GABRG3: variants seen among roughly 807,000 people sequenced by gnomAD.
GABRG3 encodes gamma-aminobutyric acid receptor subunit gamma-3.
GABRG3 carries 25 observed loss-of-function variants against 48.8 expected under a neutral mutation model. The observed-to-expected ratio is 0.51, with a 90% CI of 0.37 to 0.72. The LOEUF (loss-of-function observed/expected upper bound fraction) is 0.72, where lower values mean the gene tolerates loss of function less well. Among genes scored for constraint, GABRG3 ranks in the 30% least tolerant of loss-of-function variants. The pLI is 0.00. For synonymous variants in GABRG3, 227 were observed against 217.6 expected (o/e 1.04, Z -0.38); for missense variants, 394 against 577.9 (o/e 0.68, Z 3.26).
chr15:27,308,596 A>G (rs1566774700), intron 3 of GABRG3, among the ~76,000 whole-genome samples: 1 of 145,616 alleles, frequency 6.9e-6, no homozygotes, highest in Non-Finnish European at 1.5e-5. Flanking sequence ...ATTTATATAT[A>G]AACATAATGT....
intron 3 of GABRG3, among the ~76,000 whole-genome samples, chr15:27,260,399 G>T (rs1890735297): frequency 6.6e-6 from 1 of 152,110 alleles, no homozygotes; most frequent in Admixed American, 6.6e-5. Context: ...CAGTCACATG[G>T]GGGCATAGGA....
chr15:27,060,919 C>A (rs1301673634), intron 3 of GABRG3, among the ~76,000 whole-genome samples: 1 of 152,136 alleles, frequency 6.6e-6, no homozygotes, highest in Admixed American at 6.5e-5. Flanking sequence ...CCTAATAGGT[C>A]TCTGAGGTTT....
rs115679568 is a variant in GABRG3 at position 27,032,280 on chromosome 15, C to T, written c.270+5459C>T. ...GATTCTCCATCTTGCAATCTGTTTT[C>T]TGGAACACATTAACCATGAAGTCCC... On this transcript the variant is annotated intron_variant, in intron 3 of 9. Transcript: ENST00000615808. 6.1e-3 allele frequency among the ~76,000 whole-genome samples: 923 copies of T among 152,282 alleles called. 10 individuals carry two copies. Among genetic ancestry groups the T allele is most frequent in the African/African-American group, 0.021 (878 of 41,556 alleles).
At chr15:27,147,080 A>G (rs549899473) in intron 3 of GABRG3, among the ~76,000 whole-genome samples, 1 of 152,192 alleles carries the variant, frequency 6.6e-6, no homozygotes, top group East Asian at 1.9e-4. Flanking sequence ...GTTGTAAATG[A>G]AAGGACAGAA....
chr15:27,284,667 A>G (rs536339372), intron 3 of GABRG3, among the ~76,000 whole-genome samples: 40 of 152,302 alleles, frequency 2.6e-4, no homozygotes, highest in East Asian at 1.4e-3. Flanking sequence ...CAGATAAGCA[A>G]GATTTGACAA....
chr15:27,445,645 T>C (rs1888921557), intron 5 of GABRG3, among the ~76,000 whole-genome samples: 1 of 152,242 alleles, frequency 6.6e-6, no homozygotes, highest in South Asian at 2.1e-4. Context: ...ATTTTTTCTC[T>C]TTCTTAATGA....
At chr15:27,372,288 C>A (rs1232527481) in intron 5 of GABRG3, among the ~76,000 whole-genome samples, 8 of 152,108 alleles carry the variant, frequency 5.3e-5, no homozygotes, top group African/African-American at 1.9e-4. Flanking sequence ...TCTGTTTTAT[C>A]AGTATAACCT....
At chr15:27,411,374 G>A (rs1404197229) in intron 5 of GABRG3, among the ~76,000 whole-genome samples, 1 of 152,078 alleles carries the variant, frequency 6.6e-6, no homozygotes, top group Non-Finnish European at 1.5e-5. Flanking sequence ...CTAGGCTGCT[G>A]GTTTTCATGG....
chr15:27,241,929 A>T (rs1389893861), intron 3 of GABRG3, among the ~76,000 whole-genome samples: 1 of 152,234 alleles, frequency 6.6e-6, no homozygotes, highest in African/African-American at 2.4e-5. Flanking sequence ...ATTGAATTTG[A>T]CAAATAGTAA....
At chr15:27,304,756 A>G (rs1169899545) in intron 3 of GABRG3, among the ~76,000 whole-genome samples, 1 of 152,026 alleles carries the variant, frequency 6.6e-6, no homozygotes, top group African/African-American at 2.4e-5. Flanking sequence ...CAACTTAATG[A>G]TATCCAAAGT....
intron 3 of GABRG3, among the ~76,000 whole-genome samples, chr15:27,056,329 G>A (rs138976066): frequency 0.017 from 2,344 of 137,474 alleles, 84 homozygotes; most frequent in African/African-American, 0.062. Flanking sequence ...CTCCAGCCTG[G>A]TTGACAGAGT....
intron 3 of GABRG3, among the ~76,000 whole-genome samples, chr15:27,218,982 G>A (rs1387611442): frequency 6.6e-6 from 1 of 152,132 alleles, no homozygotes; most frequent in Non-Finnish European, 1.5e-5. Flanking sequence ...TCTCCCTGAT[G>A]ACCCTGGCCA....
intron 3 of GABRG3, among the ~76,000 whole-genome samples, chr15:27,297,137 A>G (rs1892019127): frequency 6.6e-6 from 1 of 152,198 alleles, no homozygotes; most frequent in African/African-American, 2.4e-5. Context: ...AAGGATGTAG[A>G]GAAATAAATC....
At chr15:27,509,800 A>G (rs1263818046) in intron 6 of GABRG3, among the ~76,000 whole-genome samples, 1 of 152,210 alleles carries the variant, frequency 6.6e-6, no homozygotes, top group Non-Finnish European at 1.5e-5. Flanking sequence ...CATTAGAGCC[A>G]TTAACATATT....
At chr15:26,990,373 T>A (rs907991989) in intron 2 of GABRG3, among the ~76,000 whole-genome samples, 3 of 152,236 alleles carry the variant, frequency 2.0e-5, no homozygotes, top group African/African-American at 7.2e-5. Flanking sequence ...TGATTATCAG[T>A]GATGTTGAGC....
intron 3 of GABRG3, among the ~76,000 whole-genome samples, chr15:27,203,618 A>G (rs1234944869): frequency 6.6e-6 from 1 of 152,186 alleles, no homozygotes; most frequent in Non-Finnish European, 1.5e-5. Context: ...AAATCTCCAG[A>G]AAGCTCTCTA....
At chr15:27,311,351 T>G (rs1413144367) in intron 3 of GABRG3, among the ~76,000 whole-genome samples, 1 of 152,140 alleles carries the variant, frequency 6.6e-6, no homozygotes, top group East Asian at 1.9e-4. Context: ...CTCCCAGATT[T>G]TCCTTGGGGA....
intron 3 of GABRG3, among the ~76,000 whole-genome samples, chr15:27,308,068 A>C (rs1215217276): frequency 1.6e-5 from 2 of 123,724 alleles, no homozygotes; most frequent in Admixed American, 1.6e-4. Context: ...ATATATAAAC[A>C]TATATGTTTA....
chr15:27,427,675 C>T (rs530776773), intron 5 of GABRG3, among the ~76,000 whole-genome samples: 10 of 152,314 alleles, frequency 6.6e-5, no homozygotes, highest in Non-Finnish European at 8.8e-5. Flanking sequence ...GTTCAGTTCT[C>T]ATTTAATCAT....
Sources: allele counts gnomAD v4.1 joint callset (sites outside exome capture counted in the v4.1 genomes callset), GRCh38; gene constraint gnomAD v4.1.1; transcripts MANE v1.5; gene names NCBI Gene and HGNC (gene_info 2026-07-23, HGNC 2026-07-21).